The following RBBP8NL variants were observed in gnomAD, a reference collection of about 807,000 sequenced individuals.
RBBP8NL encodes the protein RBBP8 N-terminal like, also known as RBBP8 N-terminal-like protein.
RBBP8NL carries 59 observed loss-of-function variants against 62.2 expected under a neutral mutation model. The ratio of observed to expected loss-of-function variants is 0.95; its 90% confidence interval spans 0.77 to 1.18. RBBP8NL has a LOEUF of 1.18. RBBP8NL is among the 50% of genes most tolerant of loss of function. RBBP8NL has a pLI of 0.00. For synonymous variants in RBBP8NL, 412 were observed against 394.1 expected (o/e 1.05, Z -0.54); for missense variants, 896 against 899.5 (o/e 1.00, Z 0.05).
At position 62,421,322 on chromosome 20, in the gene RBBP8NL, AGT is replaced by A. The variant is rs567613807; in HGVS notation, c.-83-1594_-83-1593del. ...TGCCATGTGTGTGCACGCCCGAGCC[AGT>A]GTGTGTCCCATGTGTGTGCACACCT... On this transcript the variant is annotated intron_variant, in intron 1 of 13. Transcript: ENST00000252998. Among the ~76,000 whole-genome samples, 42 of 139,434 alleles carry A rather than the reference AGT, an allele frequency of 3.0e-4. 1 individual carries two copies. Among genetic ancestry groups the A allele is most frequent in the Admixed American group, 8.6e-4 (12 of 13,932 alleles). 91.5% of individuals were successfully genotyped at this position (139,434 alleles called of 152,430 possible).
At position 62,417,709 on chromosome 20, in the gene RBBP8NL, C is replaced by T. The variant is rs180914986; in HGVS notation, c.105-390G>A. 4.5e-3 allele frequency among the ~76,000 whole-genome samples: 398 copies of T among 89,138 alleles called. 4 individuals are homozygous for T. The highest frequency in any genetic ancestry group is 6.5e-3 in the Non-Finnish European group (306 of 46,830). 58.5% of individuals were successfully genotyped at this position (89,138 alleles called of 152,430 possible). ...GCTCCTCTGTGATGTCTGTCCTGTC[C>T]ACGCAACGCCCCCCCAGTCATCTGC... On this transcript the variant is annotated intron_variant, in intron 3 of 13. Transcript: ENST00000252998.
intron 5 of RBBP8NL, 64 bp from the exon 6 acceptor site, chr20:62,416,300 C>A: frequency 7.9e-7 from 1 of 1,263,730 alleles, no homozygotes; most frequent in Non-Finnish European, 1.1e-6. Flanking sequence ...GGGGTGGGGT[C>A]GTCACAGCAC....
intron 2 of RBBP8NL, among the ~76,000 whole-genome samples, chr20:62,419,130 A>T (rs745983310): frequency 4.6e-5 from 7 of 152,092 alleles, no homozygotes; most frequent in Non-Finnish European, 7.4e-5. Flanking sequence ...CATGTTCTGG[A>T]TGGGTCCAGA....
In RBBP8NL at chr20:62,410,844, C is replaced by T. The variant is rs1309703150; in HGVS notation, c.*34G>A. ...GCCCTGGTGGGCAGGTGGAGGGCTG[C>T]CCCGGGCTCGCTGTGGACCCTGGTG... On this transcript the variant is annotated 3_prime_UTR_variant, in exon 14 of 14. Transcript: ENST00000252998. 2.0e-6 allele frequency: 3 copies of T among 1,474,342 alleles called. No homozygotes were observed. Among genetic ancestry groups the T allele is most frequent in the East Asian group, 2.3e-5 (1 of 44,236 alleles). The allele number at this position is 1,474,342 out of a possible 1,614,324, so 91.3% of individuals were successfully genotyped here. A position where few individuals can be genotyped will look rare whatever the true frequency, so the allele number is the denominator to read the frequency against.
intron 1 of RBBP8NL, among the ~76,000 whole-genome samples, chr20:62,422,369 G>A (rs1988719379): frequency 6.6e-6 from 1 of 151,762 alleles, no homozygotes; most frequent in Admixed American, 6.6e-5. Context: ...TCCCAGCGTG[G>A]CCAAACCACC....
Position 62,414,211 on chromosome 20 carries a change from T to A in RBBP8NL, c.1140A>T (p.Thr380=), listed in dbSNP as rs538381384. ...GTAGGGAGGGCAGCATCTCCCCGGGTGTGGGCTGGCCCCTTGGCCTGACAC... is the reference window on the plus strand; with the variant it reads ...GTAGGGAGGGCAGCATCTCCCCGGGAGTGGGCTGGCCCCTTGGCCTGACAC... ...AGSVRPRGQP[T]PGEMLPSLPV... The change falls in exon 10 of 14, where the codon ACA becomes ACT. Residue 380 remains threonine (T), a synonymous_variant. Coordinates refer to ENST00000252998, the MANE Select transcript of RBBP8NL (RefSeq NM_080833.3). 7 of 1,606,938 alleles carry A rather than the reference T, an allele frequency of 4.4e-6. No homozygotes were observed. Among genetic ancestry groups the A allele is most frequent in the Non-Finnish European group, 5.9e-6 (7 of 1,178,194 alleles).
intron 1 of RBBP8NL, 138 bp from the exon 2 acceptor site, chr20:62,419,868 G>A (rs1354297674): frequency 7.2e-6 from 4 of 558,782 alleles, no homozygotes; most frequent in Non-Finnish European, 9.4e-6. Flanking sequence ...ATGGGAGGTG[G>A]CCTGGAGGCT....
At chr20:62,418,541 G>C (rs948362930) in intron 2 of RBBP8NL, 76 bp from the exon 3 acceptor site, 1 of 1,387,742 alleles carries the variant, frequency 7.2e-7, no homozygotes, top group Non-Finnish European at 1.0e-6. Context: ...CACGGGGTCT[G>C]GGCAGAGCTG....
intron 3 of RBBP8NL, among the ~76,000 whole-genome samples, chr20:62,417,632 C>T (rs1316878060): frequency 1.9e-5 from 2 of 102,862 alleles, no homozygotes; most frequent in African/African-American, 8.2e-5. Context: ...GTCATCTGCA[C>T]GCTCCTCTGT....
At chr20:62,415,432 G>A (rs920485802) in intron 8 of RBBP8NL, 145 bp from the exon 9 acceptor site, 8 of 1,360,308 alleles carry the variant, frequency 5.9e-6, no homozygotes, top group Non-Finnish European at 7.1e-6. Context: ...GCCAAATGGA[G>A]CGCAGTGGCT....
Position 62,419,194 on chromosome 20 carries a change from C to A in RBBP8NL, c.61+393G>T, listed in dbSNP as rs73613574. Among the ~76,000 whole-genome samples, 11 of 152,302 alleles carry A rather than the reference C, an allele frequency of 7.2e-5. No homozygotes were observed. The East Asian group carries it at 1.9e-3, about 27-fold the overall frequency. Reference sequence around the variant, plus strand: ...GCTGTCTCTGCCCTGGTGAGCTCAGCAGGCCGGCCAGGGTGGGTACTTCTT... The same window carrying A: ...GCTGTCTCTGCCCTGGTGAGCTCAGAAGGCCGGCCAGGGTGGGTACTTCTT... On this transcript the variant is annotated intron_variant, in intron 2 of 13. Coordinates refer to ENST00000252998, the MANE Select transcript of RBBP8NL (RefSeq NM_080833.3).
chr20:62,417,277 C>T lies in RBBP8NL; in HGVS notation c.147G>A (p.Gln49=). The change falls in exon 4 of 14, where the codon CAG becomes CAA. Residue 49 remains glutamine, a synonymous_variant. Coordinates refer to ENST00000252998, the MANE Select transcript of RBBP8NL (RefSeq NM_080833.3). The part of the protein sequence containing the change: ...RIEELFSKNH[Q]LREQQKTLKE... The stretch of plus-strand genomic sequence containing the variant: ...TCAGTGTCTTCTGCTGTTCCCGGAG[C>T]TGGTGGTTCTTGGAGAAGAGCTCCT... 2 of 1,606,178 alleles carry T rather than the reference C, an allele frequency of 1.2e-6. No individual in the cohort carries two copies. Among genetic ancestry groups the T allele is most frequent in the Middle Eastern group, 1.7e-4 (1 of 5,948 alleles).
At chr20:62,416,520 C>T (rs535497516) in intron 5 of RBBP8NL, among the ~76,000 whole-genome samples, 14 of 152,312 alleles carry the variant, frequency 9.2e-5, no homozygotes, top group East Asian at 7.7e-4. Context: ...AAGGAGGCCG[C>T]GCCCAGTGGG....
At chr20:62,416,023 T>C (rs1988557000) in intron 6 of RBBP8NL, 78 bp from the exon 7 acceptor site, 1 of 1,476,968 alleles carries the variant, frequency 6.8e-7, no homozygotes, top group African/African-American at 1.4e-5. Context: ...GGCCCACTCC[T>C]GGGTGACCCC....
chr20:62,416,087 C>T (rs2146439920), intron 6 of RBBP8NL, 77 bp downstream of exon 6: 3 of 1,510,270 alleles, frequency 2.0e-6, no homozygotes. Flanking sequence ...GCGGTTCCCC[C>T]AGGGACGTGT....
intron 1 of RBBP8NL, among the ~76,000 whole-genome samples, chr20:62,426,083 T>TAGCAGCGGCAGC (rs1988800760): frequency 6.6e-6 from 1 of 150,402 alleles, no homozygotes; most frequent in Non-Finnish European, 1.5e-5. Context: ...ACAGTGGCAG[T>TAGCAGCGGCAGC]GGAAGTAGCA....
chr20:62,413,045 T>A, intron 11 of RBBP8NL, 145 bp from the exon 12 acceptor site: 1 of 955,198 alleles, frequency 1.0e-6, no homozygotes, highest in South Asian at 1.6e-5. Flanking sequence ...GGGCACTGGC[T>A]GACAGGAGGC....
intron 5 of RBBP8NL, 36 bp from the exon 6 acceptor site, chr20:62,416,272 TTGGGGGGGACAGGGGCAGGGG>T: frequency 2.5e-5 from 8 of 322,472 alleles, no homozygotes; most frequent in Admixed American, 1.2e-4. Context: ...CAGCCAGGGG[TTGGGGGGGACAGGGGCAGGGG>T]TGGGGTCGTC....
intron 13 of RBBP8NL, 91 bp from the exon 14 acceptor site, chr20:62,411,087 G>A: frequency 1.2e-6 from 1 of 807,346 alleles, no homozygotes; most frequent in Non-Finnish European, 2.1e-6. Flanking sequence ...GGTCTCCTCT[G>A]GGCACGGGGA....
Sources: gnomAD v4.1 joint callset for allele counts (sites outside exome capture counted in the v4.1 genomes callset) on GRCh38, gnomAD v4.1.1 for gene constraint, MANE v1.5 for transcripts, NCBI Gene and HGNC (gene_info 2026-07-23, HGNC 2026-07-21) for gene names.